ZMIZ1: variants seen among roughly 807,000 people sequenced by gnomAD.
ZMIZ1 encodes zinc finger MIZ domain-containing protein 1.
Under a neutral mutation model 113.9 loss-of-function variants are expected in ZMIZ1, and 17 were observed. The ratio of observed to expected loss-of-function variants is 0.15; its 90% CI spans 0.10 to 0.22. The LOEUF (loss-of-function observed/expected upper bound fraction) is 0.22, where lower values mean the gene tolerates loss of function less well. ZMIZ1 is among the 10% of genes least tolerant of loss of function. ZMIZ1 has a pLI of 1.00. For synonymous variants in ZMIZ1, 607 were observed against 603.1 expected, an observed-to-expected ratio of 1.01 and a Z score of -0.09; for missense variants, 1,059 against 1,477.8, an observed-to-expected ratio of 0.72 and a Z score of 4.65.
rs755265220 is a variant in ZMIZ1 at position 79,289,856 on chromosome 10, G to A, written c.507G>A (p.Thr169=). 1.1e-5 allele frequency: 17 copies of A among 1,614,088 alleles called. No individual in the cohort carries two copies. The highest frequency in any genetic ancestry group is 1.7e-4 in the Middle Eastern group (1 of 6,058). ...QPPGSLSVVT[T]VWGVTNTSQS... The stretch of plus-strand genomic sequence containing the variant: ...CCGGCTCCCTTTCCGTGGTCACCAC[G>A]GTTTGGGGAGTAACCAACACATCCC... Residue 169 remains threonine (T), a synonymous_variant, in exon 9 of 25, where the codon ACG becomes ACA. Transcript: ENST00000334512.
At chr10:79,261,586 C>T (rs1303498088) in intron 7 of ZMIZ1, among the ~76,000 whole-genome samples, 1 of 152,214 alleles carries the variant, frequency 6.6e-6, no homozygotes, top group South Asian at 2.1e-4. Context: ...TGAGGCGGAG[C>T]CTGCAGGACC....
intron 1 of ZMIZ1, among the ~76,000 whole-genome samples, chr10:79,114,933 T>C (rs1843957257): frequency 1.3e-5 from 2 of 152,170 alleles, no homozygotes; most frequent in African/African-American, 2.4e-5. Context: ...CCCCAAACTT[T>C]CCAGATGCAG....
chr10:79,149,691 G>T (rs74141793), intron 3 of ZMIZ1, among the ~76,000 whole-genome samples: 2,405 of 152,322 alleles, frequency 0.016, 56 homozygotes, highest in African/African-American at 0.054. Context: ...CCGTGGGGTG[G>T]CACGCCTTCT....
chr10:79,309,085 A>G (rs1334832606), intron 23 of ZMIZ1, among the ~76,000 whole-genome samples: 1 of 152,052 alleles, frequency 6.6e-6, no homozygotes, highest in African/African-American at 2.4e-5. Flanking sequence ...CTTCTACCAC[A>G]CCTGCCCAGG....
rs528570049 is a variant in ZMIZ1, at chr10:79,126,220, TCA to T, written c.-227+7197_-227+7198del. Among the ~76,000 whole-genome samples the T allele has an allele frequency of 5.9e-5, 9 of 152,290 alleles. No homozygotes were observed. The East Asian group carries it at 1.5e-3, about 26-fold the overall frequency. The stretch of plus-strand genomic sequence containing the variant: ...AATGGTCAGGGCTAGGGGCAACGCC[TCA>T]GAGTCAGGGCCTAGTGTGAGGCTTA... On this transcript the variant is annotated intron_variant, in intron 2 of 24. Coordinates refer to ENST00000334512, the MANE Select transcript of ZMIZ1 (RefSeq NM_020338.4).
chr10:79,112,842 A>G (rs531313261), intron 1 of ZMIZ1, among the ~76,000 whole-genome samples: 1 of 152,306 alleles, frequency 6.6e-6, no homozygotes, highest in African/African-American at 2.4e-5. Context: ...TCTTCTGATT[A>G]TTTCTTGACG....
chr10:79,162,983 A>G lies in ZMIZ1; in HGVS notation c.-50+850A>G, dbSNP rs150783019. Among the ~76,000 whole-genome samples the G allele has an allele frequency of 6.7e-3, 1,018 of 152,286 alleles. 13 individuals are homozygous for G. The highest frequency in any genetic ancestry group is 0.023 in the African/African-American group (963 of 41,570). On this transcript the variant is annotated intron_variant, in intron 4 of 24. Coordinates refer to ENST00000334512, the MANE Select transcript of ZMIZ1 (RefSeq NM_020338.4). The stretch of plus-strand genomic sequence containing the variant: ...TCTGTCCCGTGCCCCAGCATTTCTC[A>G]TCATGGGGTGGCATTTCAGGGTTGA...
At chr10:79,140,026 G>A (rs1423602335) in intron 3 of ZMIZ1, among the ~76,000 whole-genome samples, 2 of 152,236 alleles carry the variant, frequency 1.3e-5, no homozygotes, top group Non-Finnish European at 2.9e-5. Context: ...CTCAGGTCCT[G>A]TACTTACCTC....
At chr10:79,235,143 G>C (rs1002266974) in intron 7 of ZMIZ1, among the ~76,000 whole-genome samples, 1 of 152,246 alleles carries the variant, frequency 6.6e-6, no homozygotes, top group Non-Finnish European at 1.5e-5. Flanking sequence ...CAGCCTGTCA[G>C]CTCATGTCCA....
Position 79,298,398 on chromosome 10 carries a change from C to G in ZMIZ1, c.1492-8C>G, listed in dbSNP as rs1418852728. On this transcript the variant is annotated splice_polypyrimidine_tract_variant and splice_region_variant and intron_variant, in intron 14 of 24. Transcript: ENST00000334512. ...CATAACTCGTGCGTGTCTTTTCTTT[C>G]CCTCCAGCCTCCCAGGCCGGTTCCT... is the stretch of plus-strand genomic sequence containing the variant. 1.1e-5 allele frequency: 17 copies of G among 1,605,266 alleles called. No individual in the cohort carries two copies. The highest frequency in any genetic ancestry group is 2.2e-5 in the South Asian group (2 of 90,496).
At chr10:79,140,982 T>G (rs1198513267) in intron 3 of ZMIZ1, among the ~76,000 whole-genome samples, 1 of 151,930 alleles carries the variant, frequency 6.6e-6, no homozygotes, top group Non-Finnish European at 1.5e-5. Flanking sequence ...GGGTCTCACT[T>G]CGTTGTCCGG....
chr10:79,085,039 C>T (rs1008407609), intron 1 of ZMIZ1, among the ~76,000 whole-genome samples: 9 of 152,182 alleles, frequency 5.9e-5, no homozygotes, highest in Admixed American at 2.6e-4. Flanking sequence ...CTGCCCGCTC[C>T]GCATTCTGGT....
intron 18 of ZMIZ1, among the ~76,000 whole-genome samples, chr10:79,303,254 A>G (rs1013082320): frequency 6.6e-6 from 1 of 151,890 alleles, no homozygotes; most frequent in African/African-American, 2.4e-5. Flanking sequence ...CAGGAATTCA[A>G]GACTAGCCTG....
intron 2 of ZMIZ1, among the ~76,000 whole-genome samples, chr10:79,137,827 G>T (rs112118104): frequency 9.5e-6 from 1 of 105,640 alleles, no homozygotes; most frequent in Non-Finnish European, 1.7e-5. Context: ...GCCCTCGGCT[G>T]GGGGGGGGGT....
In ZMIZ1 at chr10:79,293,811, C is replaced by G. The variant is rs1304802555; in HGVS notation, c.1230+158C>G. 9 of 1,090,066 alleles carry G rather than the reference C, an allele frequency of 8.3e-6. No individual in the cohort carries two copies. The East Asian group carries it at 2.2e-4, about 27-fold the overall frequency. The allele number at this position is 1,090,066 out of a possible 1,614,324, so 67.5% of individuals were successfully genotyped here. On this transcript the variant is annotated intron_variant, in intron 12 of 24. Coordinates refer to ENST00000334512, the MANE Select transcript of ZMIZ1 (RefSeq NM_020338.4). ...GGGTCAGGTGCTCCTGGGTTTGAGA[C>G]CTGGTTCTGCTGTTTCCCAACTGAA...
chr10:79,304,337 C>T (rs1487776126), intron 19 of ZMIZ1, among the ~76,000 whole-genome samples, 162 bp downstream of exon 19: 1 of 152,236 alleles, frequency 6.6e-6, no homozygotes, highest in African/African-American at 2.4e-5. Context: ...CATCATTTAT[C>T]TTTGAGCATC....
chr10:79,181,075 C>G (rs1847104875), intron 4 of ZMIZ1, among the ~76,000 whole-genome samples: 1 of 152,212 alleles, frequency 6.6e-6, no homozygotes, highest in African/African-American at 2.4e-5. Flanking sequence ...GTTCCTTTCC[C>G]AGGAGGCAGA....
At chr10:79,289,435 G>C (rs535562926) in intron 8 of ZMIZ1, among the ~76,000 whole-genome samples, 4 of 152,184 alleles carry the variant, frequency 2.6e-5, no homozygotes, top group Non-Finnish European at 5.9e-5. Flanking sequence ...CGTGGAGTCA[G>C]AGCCCGGGTG....
intron 3 of ZMIZ1, among the ~76,000 whole-genome samples, chr10:79,153,896 G>C (rs550388753): frequency 6.6e-6 from 1 of 152,234 alleles, no homozygotes; most frequent in South Asian, 2.1e-4. Flanking sequence ...CCTGGCCCAC[G>C]TGTGGCCAGA....
Sources: allele counts gnomAD v4.1 joint callset (sites outside exome capture counted in the v4.1 genomes callset), GRCh38; gene constraint gnomAD v4.1.1; transcripts MANE v1.5; gene names NCBI Gene and HGNC (gene_info 2026-07-23, HGNC 2026-07-21).